The following UGT1A8 variants were observed in gnomAD, a reference collection of about 807,000 sequenced individuals.
The protein encoded by UGT1A8 is UDP-glucuronosyltransferase 1A8.
In UGT1A8, 39 loss-of-function variants were observed where a neutral mutation model predicts 45.3. That is an observed-to-expected ratio of 0.86 (90% CI 0.67 to 1.12). The LOEUF (loss-of-function observed/expected upper bound fraction) is 1.12, where lower values mean the gene tolerates loss of function less well. UGT1A8 is among the 50% of genes most tolerant of loss of function. UGT1A8 has a pLI of 0.00. For synonymous variants in UGT1A8, 275 were observed against 249.2 expected, an observed-to-expected ratio of 1.10 and a Z score of -0.97; for missense variants, 719 against 664.9, an observed-to-expected ratio of 1.08 and a Z score of -0.90.
intron 1 of UGT1A8, among the ~76,000 whole-genome samples, chr2:233,736,806 A>C (rs1345730820): frequency 6.6e-6 from 1 of 152,210 alleles, no homozygotes; most frequent in African/African-American, 2.4e-5. Context: ...AGTTTGCTGG[A>C]GGTCCACTCC....
At chr2:233,729,392 T>C in intron 1 of UGT1A8, 1 of 1,613,876 alleles carries the variant, frequency 6.2e-7, no homozygotes, top group Non-Finnish European at 8.5e-7. Context: ...CAGGATGAAT[T>C]TGATCGCCAT....
At chr2:233,635,489 C>G (rs1354834609) in intron 1 of UGT1A8, among the ~76,000 whole-genome samples, 1 of 150,838 alleles carries the variant, frequency 6.6e-6, no homozygotes, top group Non-Finnish European at 1.5e-5. Context: ...AGAAATCACT[C>G]ACAATTGGGA....
In UGT1A8 at chr2:233,767,901, T is replaced by C; in HGVS notation, c.1040T>C (p.Ile347Thr). The C allele has an allele frequency of 6.2e-6, 10 of 1,614,218 alleles. No individual in the cohort carries two copies. Among genetic ancestry groups the C allele is most frequent in the Non-Finnish European group, 2.5e-6 (3 of 1,180,042 alleles). Residue 347 changes from isoleucine (I) to threonine (T), a missense_variant, in exon 3 of 5, where the codon ATA becomes ACA. Transcript: ENST00000373450. ...TRPSNLANNT[I>T]LVKWLPQNDL... is the part of the protein sequence containing the mutation. ...CCATCGAATCTTGCGAACAACACGATACTTGTTAAGTGGCTACCCCAAAAC... is the reference window on the plus strand; with the variant it reads ...CCATCGAATCTTGCGAACAACACGACACTTGTTAAGTGGCTACCCCAAAAC...
At chr2:233,691,124 A>T (rs1305698863) in intron 1 of UGT1A8, 1 of 985,838 alleles carries the variant, frequency 1.0e-6, no homozygotes, top group African/African-American at 1.7e-5. Context: ...TGCTTAAGCC[A>T]TTCTTCCTCT....
At position 233,672,022 on chromosome 2, in the gene UGT1A8, G is replaced by A. The variant is rs2074207279; in HGVS notation, c.855+53460G>A. On this transcript the variant is annotated intron_variant, in intron 1 of 4. Coordinates refer to ENST00000373450, the MANE Select transcript of UGT1A8 (RefSeq NM_019076.5). ...CTTTGCCGAGGCAGGGAAGCTACTGGTAGTGCCCATGGATGGGAGCCACTG... is the reference window on the plus strand; with the variant it reads ...CTTTGCCGAGGCAGGGAAGCTACTGATAGTGCCCATGGATGGGAGCCACTG... 5.0e-6 allele frequency: 8 copies of A among 1,614,042 alleles called. No individual in the cohort carries two copies. In the Admixed American group the frequency reaches 8.3e-5, roughly 17 times the overall value.
chr2:233,729,171 A>G, intron 1 of UGT1A8: 1 of 1,613,740 alleles, frequency 6.2e-7, no homozygotes, highest in Non-Finnish European at 8.5e-7. Context: ...TGGCCACAGG[A>G]CTGCTGCTTC....
chr2:233,755,198 G>A (rs1452134349), intron 1 of UGT1A8: 1 of 1,110,818 alleles, frequency 9.0e-7, no homozygotes, highest in Non-Finnish European at 1.3e-6. Flanking sequence ...GCGCCAGCTT[G>A]CGGTACGCCT....
intron 1 of UGT1A8, among the ~76,000 whole-genome samples, chr2:233,757,237 G>A (rs934009312): frequency 2.7e-4 from 40 of 149,716 alleles, no homozygotes; most frequent in African/African-American, 9.6e-4. Flanking sequence ...CAGAAGTGGT[G>A]GTGAGGTGGG....
At chr2:233,648,672 G>A (rs2073664715) in intron 1 of UGT1A8, 1 of 323,756 alleles carries the variant, frequency 3.1e-6, no homozygotes, top group Admixed American at 3.6e-5. Context: ...CACCGTGTTA[G>A]CCAGGATGGT....
intron 1 of UGT1A8, among the ~76,000 whole-genome samples, chr2:233,702,348 A>T (rs2075682306): frequency 6.6e-6 from 1 of 152,082 alleles, no homozygotes; most frequent in Non-Finnish European, 1.5e-5. Flanking sequence ...TTGTTCTAAT[A>T]GTTTTTTTTT....
At chr2:233,693,016 C>G (rs769422699) in intron 1 of UGT1A8, 1 of 1,613,998 alleles carries the variant, frequency 6.2e-7, no homozygotes, top group Non-Finnish European at 8.5e-7. Context: ...TGGCCTGCCT[C>G]CTTCGCTCAT....
intron 1 of UGT1A8, among the ~76,000 whole-genome samples, chr2:233,685,843 A>G (rs1022840820): frequency 2.6e-5 from 4 of 152,194 alleles, no homozygotes; most frequent in African/African-American, 7.2e-5. Flanking sequence ...AATAAGGAAA[A>G]TTTGTTTCAT....
chr2:233,637,521 A>T, intron 1 of UGT1A8: 2 of 1,435,782 alleles, frequency 1.4e-6, no homozygotes, highest in Middle Eastern at 1.8e-4. Flanking sequence ...GTGCGAATTC[A>T]TGTACTCATC....
intron 1 of UGT1A8, chr2:233,753,285 G>A (rs1446489164): frequency 6.6e-6 from 1 of 152,238 alleles, no homozygotes; most frequent in Admixed American, 6.5e-5. Context: ...TGATTTCAGA[G>A]TTCAGTGTGA....
intron 1 of UGT1A8, chr2:233,729,914 T>G (rs774517230): frequency 6.2e-7 from 1 of 1,614,026 alleles, no homozygotes. Context: ...GACTTTGTGA[T>G]GGACTACCCC....
At chr2:233,626,795 T>C (rs28969972) in intron 1 of UGT1A8, among the ~76,000 whole-genome samples, 1 of 152,114 alleles carries the variant, frequency 6.6e-6, no homozygotes, top group Non-Finnish European at 1.5e-5. Context: ...TGGAAGCAGG[T>C]AGACCACTTT....
In UGT1A8 at chr2:233,695,130, C is replaced by CTTTCTTTTTTTTTTTTT. The variant is rs1364557158; in HGVS notation, c.856-71901_856-71900insCTTTTTTTTTTTTTTTT. On this transcript the variant is annotated intron_variant, in intron 1 of 4. Transcript: ENST00000373450. ...GCCCATTAACCAACCCTTTTCTTTT[C>CTTTCTTTTTTTTTTTTT]TTTTTTTTTTTTTTGAGACAGAGTC... 2.9e-5 allele frequency among the ~76,000 whole-genome samples: 4 copies of CTTTCTTTTTTTTTTTTT among 138,838 alleles called. 1 individual carries two copies. 91.1% of individuals were successfully genotyped at this position (138,838 alleles called of 152,430 possible).
At chr2:233,624,068 T>C (rs1206929665) in intron 1 of UGT1A8, among the ~76,000 whole-genome samples, 1 of 152,150 alleles carries the variant, frequency 6.6e-6, no homozygotes, top group Admixed American at 6.6e-5. Context: ...CTGTACCCGG[T>C]TTCCCCCATT....
intron 1 of UGT1A8, among the ~76,000 whole-genome samples, chr2:233,708,070 G>T (rs1007307586): frequency 1.3e-5 from 2 of 152,102 alleles, no homozygotes; most frequent in Non-Finnish European, 2.9e-5. Flanking sequence ...TCTGCATCTT[G>T]CTTTTTACTT....
Sources: gnomAD v4.1 joint callset for allele counts (sites outside exome capture counted in the v4.1 genomes callset) on GRCh38, gnomAD v4.1.1 for gene constraint, MANE v1.5 for transcripts, NCBI Gene and HGNC (gene_info 2026-07-23, HGNC 2026-07-21) for gene names.